Variants in RNF152 observed in about 807,000 individuals in gnomAD.
The protein encoded by RNF152 is ring finger protein 152.
RNF152 carries 11 observed loss-of-function variants against 12.7 expected under a neutral mutation model. The observed-to-expected ratio is 0.86, with a 90% CI of 0.54 to 1.43. RNF152 has a LOEUF of 1.43. Among genes scored for constraint, RNF152 ranks in the 40% most tolerant of loss-of-function variants. The pLI is 0.00. For synonymous variants in RNF152, 113 were observed against 120.3 expected, an observed-to-expected ratio of 0.94 and a Z score of 0.40; for missense variants, 255 against 274.8, an observed-to-expected ratio of 0.93 and a Z score of 0.51.
intron 1 of RNF152, among the ~76,000 whole-genome samples, chr18:61,839,234 C>A (rs2144667068): frequency 6.6e-6 from 1 of 152,220 alleles, no homozygotes; most frequent in Non-Finnish European, 1.5e-5. Context: ...CACATTTCAC[C>A]CAGTGTTCCT....
At chr18:61,852,822 C>A (rs1412770888) in intron 1 of RNF152, among the ~76,000 whole-genome samples, 1 of 152,100 alleles carries the variant, frequency 6.6e-6, no homozygotes, top group African/African-American at 2.4e-5. Flanking sequence ...TGCCTGCTCC[C>A]CTAAAAAGTG....
At chr18:61,887,668 C>G (rs1382085069) in intron 1 of RNF152, among the ~76,000 whole-genome samples, 1 of 147,656 alleles carries the variant, frequency 6.8e-6, no homozygotes, top group Non-Finnish European at 1.5e-5. Flanking sequence ...CCCCACTGCA[C>G]TCCAGCCTGG....
chr18:61,815,074 T>A lies in RNF152; in HGVS notation c.*778A>T, dbSNP rs183277288. The A allele has an allele frequency of 1.5e-4, 23 of 152,718 alleles. 1 individual carries two copies. Among genetic ancestry groups the A allele is most frequent in the Admixed American group, 1.5e-3 (23 of 15,296 alleles). The allele number at this position is 152,718 out of a possible 1,614,324, so 9.5% of individuals were successfully genotyped here. ...CACACACAAATACACAATATTTACA[T>A]TTGAAATTCTTATTTTGTGAGATGG... On this transcript the variant is annotated 3_prime_UTR_variant, in exon 2 of 2. Transcript: ENST00000312828.
chr18:61,842,632 C>T (rs552207877), intron 1 of RNF152, among the ~76,000 whole-genome samples: 4 of 152,188 alleles, frequency 2.6e-5, no homozygotes, highest in South Asian at 2.1e-4. Flanking sequence ...TCTATTTTTG[C>T]GCTGCTGATA....
chr18:61,889,155 A>C lies in RNF152; in HGVS notation c.-136+3640T>G, dbSNP rs190436221. On this transcript the variant is annotated intron_variant, in intron 1 of 1. Transcript: ENST00000312828. ...AATTCAGAAACGCTTTGGGTGCTAC[A>C]TCTTATCACTTGAATGAAGCCGGGT... Among the ~76,000 whole-genome samples the C allele has an allele frequency of 6.6e-5, 10 of 152,188 alleles. No individual in the cohort carries two copies. The East Asian group carries it at 1.4e-3, about 21-fold the overall frequency.
rs1164494699 is a variant in RNF152 at position 61,811,409 on chromosome 18, C to A, written c.*4443G>T. ...ACTTCAAGTCTTTAAATTTCATGGG[C>A]AGTATTTTTTACTGTTAAAAAAAGT... On this transcript the variant is annotated 3_prime_UTR_variant, in exon 2 of 2. Coordinates refer to ENST00000312828, the MANE Select transcript of RNF152 (RefSeq NM_173557.3). 6.6e-6 allele frequency: 1 copy of A among 152,120 alleles called. No individual in the cohort carries two copies. Among genetic ancestry groups the A allele is most frequent in the Non-Finnish European group, 1.5e-5 (1 of 68,018 alleles). The allele number at this position is 152,120 out of a possible 1,614,324, so 9.4% of individuals were successfully genotyped here.
chr18:61,893,184 T>G (rs994914888), upstream of RNF152: 2 of 151,948 alleles, frequency 1.3e-5, no homozygotes, highest in Non-Finnish European at 2.9e-5. Flanking sequence ...CAGTAAGCCC[T>G]AGGAAAGAAA....
At chr18:61,889,140 C>T (rs539715526) in intron 1 of RNF152, among the ~76,000 whole-genome samples, 3 of 152,126 alleles carry the variant, frequency 2.0e-5, no homozygotes, top group Admixed American at 6.5e-5. Context: ...AATTCAGAAA[C>T]GCTTTGGGTG....
chr18:61,881,990 C>T (rs773971718), intron 1 of RNF152, among the ~76,000 whole-genome samples: 7 of 152,116 alleles, frequency 4.6e-5, no homozygotes, highest in Non-Finnish European at 1.0e-4. Flanking sequence ...AGATCTGACA[C>T]CTCTGTTGGA....
Position 61,814,788 on chromosome 18 carries a change from G to A in RNF152, c.*1064C>T, listed in dbSNP as rs968174690. The A allele has an allele frequency of 1.3e-5, 2 of 152,198 alleles. No homozygotes were observed. Among genetic ancestry groups the A allele is most frequent in the Non-Finnish European group, 2.9e-5 (2 of 68,028 alleles). The allele number at this position is 152,198 out of a possible 1,614,324, so 9.4% of individuals were successfully genotyped here. On this transcript the variant is annotated 3_prime_UTR_variant, in exon 2 of 2. Transcript: ENST00000312828. The stretch of plus-strand genomic sequence containing the variant: ...CCATCAGTCACAACACTCATGGCCA[G>A]TGCAAGACTCCAAAACCAGGAGAAA...
intron 1 of RNF152, among the ~76,000 whole-genome samples, chr18:61,832,533 C>T (rs1909997824): frequency 1.3e-5 from 2 of 152,118 alleles, no homozygotes; most frequent in Non-Finnish European, 2.9e-5. Context: ...CCACAAATAA[C>T]TGCTTGAGTT....
At chr18:61,820,563 ACGGGTGGG>A (rs1225704231) in intron 1 of RNF152, among the ~76,000 whole-genome samples, 1 of 151,986 alleles carries the variant, frequency 6.6e-6, no homozygotes, top group Non-Finnish European at 1.5e-5. Context: ...ACGTTGAGCT[ACGGGTGGG>A]TAGGAACAAT....
intron 1 of RNF152, among the ~76,000 whole-genome samples, chr18:61,822,470 T>A (rs760505491): frequency 1.3e-5 from 2 of 152,238 alleles, no homozygotes; most frequent in Non-Finnish European, 2.9e-5. Context: ...ATGCATCTTT[T>A]GAAAAGGTAC....
intron 1 of RNF152, among the ~76,000 whole-genome samples, chr18:61,868,563 C>T (rs1911842890): frequency 6.6e-6 from 1 of 152,010 alleles, no homozygotes; most frequent in Non-Finnish European, 1.5e-5. Flanking sequence ...ATTAGCCGGG[C>T]GTCATGGCAG....
In RNF152 at chr18:61,822,025, A is replaced by G. The variant is rs142454119; in HGVS notation, c.-135-5427T>C. ...TTGTTTTCCTTACAGGAAGAGCAAG[A>G]TGTGATACTCCAATAAAATACTCAT... On this transcript the variant is annotated intron_variant, in intron 1 of 1. Transcript: ENST00000312828. Among the ~76,000 whole-genome samples, 121 of 152,342 alleles carry G rather than the reference A, an allele frequency of 7.9e-4. No homozygotes were observed. In the East Asian group the frequency reaches 0.018, roughly 22 times the overall value.
At chr18:61,837,711 G>A (rs1470490237) in intron 1 of RNF152, among the ~76,000 whole-genome samples, 2 of 152,178 alleles carry the variant, frequency 1.3e-5, no homozygotes, top group African/African-American at 4.8e-5. Flanking sequence ...AGCCTCTTGT[G>A]CTTCTAGAAA....
In RNF152 at chr18:61,837,633, C is replaced by T. The variant is rs142193047; in HGVS notation, c.-135-21035G>A. On this transcript the variant is annotated intron_variant, in intron 1 of 1. Coordinates refer to ENST00000312828, the MANE Select transcript of RNF152 (RefSeq NM_173557.3). ...AAATCCCTCATACAGATCTCCATTC[C>T]ACTTGCTCAGTTGTTCTTTTTATTT... Among the ~76,000 whole-genome samples, 69 of 152,220 alleles carry T rather than the reference C, an allele frequency of 4.5e-4. 1 individual carries two copies. In the East Asian group the frequency reaches 0.013, roughly 29 times the overall value.
At chr18:61,861,230 A>G (rs1028748857) in intron 1 of RNF152, among the ~76,000 whole-genome samples, 1 of 152,208 alleles carries the variant, frequency 6.6e-6, no homozygotes, top group African/African-American at 2.4e-5. Flanking sequence ...ACTCAGAGCA[A>G]CTTCCAGTCC....
intron 1 of RNF152, among the ~76,000 whole-genome samples, chr18:61,868,015 G>A (rs1238705681): frequency 1.4e-4 from 21 of 152,100 alleles, no homozygotes; most frequent in Admixed American, 1.4e-3. Flanking sequence ...AACTTAACGA[G>A]CCTCCTAGGG....
Sources: gnomAD v4.1 joint callset for allele counts (sites outside exome capture counted in the v4.1 genomes callset) on GRCh38, gnomAD v4.1.1 for gene constraint, MANE v1.5 for transcripts, NCBI Gene and HGNC (gene_info 2026-07-23, HGNC 2026-07-21) for gene names.